Variants in MAST4 observed in about 807,000 individuals in gnomAD.
MAST4 encodes microtubule associated serine/threonine kinase family member 4.
In MAST4, 89 loss-of-function variants were observed where a neutral mutation model predicts 162.7. The ratio of observed to expected loss-of-function variants is 0.55; its 90% confidence interval spans 0.46 to 0.65. The LOEUF is 0.65. Ranked by LOEUF, MAST4 falls within the 30% of genes least tolerant of loss-of-function variation. The probability of loss-of-function intolerance (pLI) is 0.00; values close to 1 mark genes in which losing one functional copy is unlikely to be tolerated. For missense variants in MAST4, 3,153 were observed against 3,374.0 expected, an observed-to-expected ratio of 0.93 and a Z score of 1.62; for synonymous variants, 1,479 against 1,361.1, an observed-to-expected ratio of 1.09 and a Z score of -1.91.
intron 2 of MAST4, among the ~76,000 whole-genome samples, chr5:66,780,605 A>G (rs1037069042): frequency 1.3e-5 from 2 of 152,202 alleles, no homozygotes; most frequent in Admixed American, 6.5e-5. Context: ...AAGCTTCCAC[A>G]GTGTGAAAAG....
At chr5:66,700,757 G>C (rs1366251322) in intron 1 of MAST4, among the ~76,000 whole-genome samples, 4 of 149,214 alleles carry the variant, frequency 2.7e-5, no homozygotes, top group African/African-American at 9.9e-5. Flanking sequence ...GTATGGAAAT[G>C]AGGCTGTGAG....
rs557123970 is a variant in MAST4 at position 66,616,407 on chromosome 5, C to T, written c.363+19389C>T. Among the ~76,000 whole-genome samples, 131 of 152,288 alleles carry T rather than the reference C, an allele frequency of 8.6e-4. 1 individual carries two copies. The highest frequency in any genetic ancestry group is 2.8e-3 in the African/African-American group (116 of 41,566). ...TAATACATAGGAATTAGTTTCTAGA[C>T]GTCTGGCGTTCTAGCTGGCCAGTTG... On this transcript the variant is annotated intron_variant, in intron 1 of 28. Coordinates refer to ENST00000403625, the MANE Select transcript of MAST4 (RefSeq NM_001164664.2).
chr5:67,100,552 T>G lies in MAST4; in HGVS notation c.1030T>G (p.Cys344Gly). The G allele has an allele frequency of 6.2e-7, 1 of 1,613,890 alleles. No individual in the cohort carries two copies. Among genetic ancestry groups the G allele is most frequent in the Non-Finnish European group, 8.5e-7 (1 of 1,179,844 alleles). The change falls in exon 8 of 29, where the codon TGC becomes GGC. Residue 344 changes from cysteine to glycine, a missense_variant. Physicochemically the swap from Cys to Gly is radical, Grantham distance 159. Around this residue, in one of 7 missense-constraint regions of MAST4, gnomAD observed 360 missense variants for 450.0 expected, o/e 0.80. Transcript: ENST00000403625. ...CGAAAGCATCGCCACTGAGAACAGA[T>G]GCAGGAACACGCCGATGCGCCCCCG... ...TTESIATENR[C>G]RNTPMRPRSR...
At chr5:66,606,385 C>T (rs1404180239) in intron 1 of MAST4, among the ~76,000 whole-genome samples, 2 of 152,020 alleles carry the variant, frequency 1.3e-5, no homozygotes, top group African/African-American at 4.8e-5. Flanking sequence ...AATAATTGGA[C>T]ATCTTGTAAT....
intron 6 of MAST4, among the ~76,000 whole-genome samples, chr5:67,094,834 C>T (rs995399928): frequency 3.3e-5 from 5 of 152,160 alleles, no homozygotes; most frequent in Non-Finnish European, 7.3e-5. Flanking sequence ...TTCATGGCTC[C>T]TGCCAGCTTT....
intron 5 of MAST4, among the ~76,000 whole-genome samples, chr5:67,056,109 A>G (rs960709533): frequency 2.0e-4 from 31 of 151,562 alleles, no homozygotes; most frequent in African/African-American, 7.5e-4. Context: ...ATAAGAGCCT[A>G]AAGCAAAACA....
intron 2 of MAST4, among the ~76,000 whole-genome samples, chr5:66,780,773 C>A (rs570470507): frequency 9.2e-5 from 14 of 152,250 alleles, no homozygotes; most frequent in African/African-American, 2.6e-4. Context: ...CTGATTGGTG[C>A]GTTTACAGTC....
At chr5:66,849,824 C>A (rs1358707959) in intron 3 of MAST4, among the ~76,000 whole-genome samples, 1 of 152,120 alleles carries the variant, frequency 6.6e-6, no homozygotes, top group Non-Finnish European at 1.5e-5. Flanking sequence ...CATTAGGAAT[C>A]TATGTTATGT....
chr5:67,112,219 C>T (rs185847550), intron 11 of MAST4, among the ~76,000 whole-genome samples: 22 of 152,258 alleles, frequency 1.4e-4, no homozygotes, highest in Non-Finnish European at 2.8e-4. Context: ...TTGTTTACAA[C>T]ACATAAATCC....
intron 4 of MAST4, among the ~76,000 whole-genome samples, chr5:67,017,988 C>T (rs1413421405): frequency 6.6e-6 from 1 of 152,260 alleles, no homozygotes; most frequent in Admixed American, 6.5e-5. Flanking sequence ...GTTTTGCTCT[C>T]CTTTCCTATT....
rs1237683302 is a variant in MAST4 at position 67,162,702 on chromosome 5, G to C, written c.3881G>C (p.Gly1294Ala). The C allele has an allele frequency of 3.7e-6, 6 of 1,613,826 alleles. No homozygotes were observed. Among genetic ancestry groups the C allele is most frequent in the Non-Finnish European group, 4.2e-6 (5 of 1,179,882 alleles). ...TGCTTGAACAGATCCCTGTCATCGG[G>C]TGAGAGCCTCCCAGGTTCCCCCACT... Reference protein sequence around the residue: ...FSCLNRSLSSGESLPGSPTHS... With the variant: ...FSCLNRSLSSAESLPGSPTHS... Residue 1294 changes from glycine to alanine, a missense_variant, in exon 28 of 29, where the codon GGT (glycine) becomes GCT (alanine). Transcript: ENST00000403625.
intron 4 of MAST4, among the ~76,000 whole-genome samples, chr5:67,009,713 T>G (rs1420434591): frequency 1.3e-5 from 2 of 152,124 alleles, no homozygotes; most frequent in African/African-American, 2.4e-5. Context: ...GGAGGAGAGC[T>G]GAGGCGCTTG....
intron 3 of MAST4, among the ~76,000 whole-genome samples, chr5:66,847,840 A>G (rs942919151): frequency 1.2e-4 from 18 of 151,088 alleles, no homozygotes; most frequent in African/African-American, 3.1e-4. Context: ...AAAAAAAAAA[A>G]AAAGAAAAAC....
At chr5:66,994,071 T>G (rs935519448) in intron 4 of MAST4, among the ~76,000 whole-genome samples, 1 of 152,040 alleles carries the variant, frequency 6.6e-6, no homozygotes. Flanking sequence ...TATGACTGCG[T>G]GCACCTGTTT....
At chr5:66,841,885 CCATGCCTAGTTTTT>C (rs1443786340) in intron 3 of MAST4, among the ~76,000 whole-genome samples, 1 of 152,106 alleles carries the variant, frequency 6.6e-6, no homozygotes, top group African/African-American at 2.4e-5. Context: ...GCTGAGTTTT[CCATGCCTAGTTTTT>C]GAGTTTGTAT....
intron 4 of MAST4, among the ~76,000 whole-genome samples, chr5:66,905,232 A>G (rs946060126): frequency 1.7e-4 from 25 of 148,982 alleles, no homozygotes; most frequent in African/African-American, 5.7e-4. Flanking sequence ...ACTTCCACCC[A>G]GAAGGTGGAG....
At chr5:66,758,300 T>A (rs1753666712) in intron 1 of MAST4, among the ~76,000 whole-genome samples, 1 of 152,058 alleles carries the variant, frequency 6.6e-6, no homozygotes, top group Admixed American at 6.5e-5. Flanking sequence ...GTCTGTTCTA[T>A]CTCAACTAAC....
chr5:66,812,437 A>G (rs544693955), intron 3 of MAST4, among the ~76,000 whole-genome samples: 20 of 152,334 alleles, frequency 1.3e-4, no homozygotes, highest in Non-Finnish European at 2.2e-4. Flanking sequence ...TGTCCTCAGG[A>G]GAGCCCCTGC....
chr5:66,696,534 C>T (rs946024416), intron 1 of MAST4, among the ~76,000 whole-genome samples: 3 of 152,090 alleles, frequency 2.0e-5, no homozygotes, highest in African/African-American at 7.2e-5. Context: ...TGAGCATCAA[C>T]ATGATGGTCA....
Sources: allele counts gnomAD v4.1 joint callset (sites outside exome capture counted in the v4.1 genomes callset), GRCh38; gene constraint gnomAD v4.1.1; regional missense constraint gnomAD v4.1.1; transcripts MANE v1.5; gene names NCBI Gene and HGNC (gene_info 2026-07-23, HGNC 2026-07-21).